Variants in ACSM3 observed in about 807,000 individuals in gnomAD.
ACSM3 encodes acyl-CoA synthetase medium chain family member 3.
Under a neutral mutation model 74.1 loss-of-function variants are expected in ACSM3, and 61 were observed. The ratio of observed to expected loss-of-function variants is 0.82; its 90% CI spans 0.67 to 1.02. The LOEUF (loss-of-function observed/expected upper bound fraction) is 1.02. Ranked by LOEUF, ACSM3 falls within the 50% of genes least tolerant of loss-of-function variation. ACSM3 has a pLI of 0.00. For synonymous variants in ACSM3, 213 were observed against 241.5 expected (o/e 0.88, Z 1.09); for missense variants, 660 against 697.0 (o/e 0.95, Z 0.60).
chr16:20,782,626 C>A (rs1011740069), intron 7 of ACSM3, among the ~76,000 whole-genome samples: 2 of 152,170 alleles, frequency 1.3e-5, no homozygotes, highest in Non-Finnish European at 2.9e-5. Context: ...AGCATCATAT[C>A]CCACAGGTTA....
intron 3 of ACSM3, among the ~76,000 whole-genome samples, chr16:20,758,996 A>C (rs2080054278): frequency 6.6e-6 from 1 of 152,030 alleles, no homozygotes; most frequent in African/African-American, 2.4e-5. Flanking sequence ...TCTGAGAGAC[A>C]GTTTGTTATA....
chr16:20,771,853 A>G (rs2080197814), intron 2 of ACSM3, among the ~76,000 whole-genome samples: 1 of 152,204 alleles, frequency 6.6e-6, no homozygotes, highest in Admixed American at 6.5e-5. Context: ...ATTCTCACCA[A>G]TAGTGTTTCA....
At chr16:20,693,027 A>G (rs555339196) in intron 1 of ACSM3, among the ~76,000 whole-genome samples, 2 of 152,198 alleles carry the variant, frequency 1.3e-5, no homozygotes, top group South Asian at 4.1e-4. Context: ...AAAATTAGCC[A>G]GGCATGGAAG....
chr16:20,737,992 C>T (rs377037430), intron 1 of ACSM3: 68 of 1,556,040 alleles, frequency 4.4e-5, no homozygotes, highest in East Asian at 3.8e-4. Flanking sequence ...GATAATTTCT[C>T]AGACATCTTA....
At chr16:20,691,155 C>T in intron 1 of ACSM3, 1 of 1,610,228 alleles carries the variant, frequency 6.2e-7, no homozygotes, top group Non-Finnish European at 8.5e-7. Flanking sequence ...TTGTGGATGC[C>T]CCAGAGGGTC....
In ACSM3 at chr16:20,723,223, T is replaced by G. The variant is rs564130467; in HGVS notation, c.-189-26687T>G. 4.6e-5 allele frequency among the ~76,000 whole-genome samples: 7 copies of G among 152,310 alleles called. No individual in the cohort carries two copies. In the East Asian group the frequency reaches 1.4e-3, roughly 29 times the overall value. ...ACAAAGGACATGAACTCATCATTTT[T>G]TATGGCTGCATAGCATTCCACGGTG... On this transcript the variant is annotated intron_variant, in intron 1 of 3. Coordinates refer to the ACSM3 transcript ENST00000561584.
intron 2 of ACSM3, among the ~76,000 whole-genome samples, chr16:20,774,662 T>G (rs1321760327): frequency 2.0e-5 from 3 of 152,242 alleles, no homozygotes; most frequent in Non-Finnish European, 4.4e-5. Flanking sequence ...GAATTTAAAC[T>G]GTTTACATTC....
chr16:20,696,737 A>G (rs543043639), intron 1 of ACSM3, among the ~76,000 whole-genome samples: 49 of 152,322 alleles, frequency 3.2e-4, no homozygotes, highest in African/African-American at 1.2e-3. Flanking sequence ...CTGTATTCCC[A>G]GATACATAGT....
intron 1 of ACSM3, among the ~76,000 whole-genome samples, chr16:20,684,044 T>C (rs893396103): frequency 1.3e-5 from 2 of 152,174 alleles, no homozygotes; most frequent in Non-Finnish European, 2.9e-5. Context: ...ATCAAGAGTA[T>C]GGCAGAGTGC....
chr16:20,720,935 A>G (rs1446052588), intron 1 of ACSM3: 2 of 152,230 alleles, frequency 1.3e-5, no homozygotes, highest in Non-Finnish European at 2.9e-5. Flanking sequence ...CAGACATCCA[A>G]TTTGAGCCTC....
intron 1 of ACSM3, among the ~76,000 whole-genome samples, chr16:20,766,066 A>G (rs1180572295): frequency 6.6e-6 from 1 of 152,208 alleles, no homozygotes; most frequent in Non-Finnish European, 1.5e-5. Context: ...TAAATGAATC[A>G]TGCCAACCTA....
chr16:20,707,378 C>A lies in ACSM3; in HGVS notation c.-190+32556C>A, dbSNP rs373565919. 9.1e-4 allele frequency among the ~76,000 whole-genome samples: 139 copies of A among 152,350 alleles called. 4 individuals are homozygous for A. In the South Asian group the frequency reaches 0.028, roughly 31 times the overall value. Reference sequence around the variant, plus strand: ...GGTTTCCGCCCCTCTCAGCTGCAGACTGGAGCAGTACTGCCTGCCCAAGGT... The same window carrying A: ...GGTTTCCGCCCCTCTCAGCTGCAGAATGGAGCAGTACTGCCTGCCCAAGGT... On this transcript the variant is annotated intron_variant, in intron 1 of 3. Coordinates refer to the ACSM3 transcript ENST00000561584.
intron 1 of ACSM3, among the ~76,000 whole-genome samples, chr16:20,747,354 C>A (rs1022443874): frequency 6.6e-6 from 1 of 152,218 alleles, no homozygotes; most frequent in Non-Finnish European, 1.5e-5. Flanking sequence ...ACAAGATATG[C>A]TTCAGTTGCA....
At position 20,764,044 on chromosome 16, in the gene ACSM3, A is replaced by T. The variant is rs1304118202; in HGVS notation, c.-133A>T. Reference sequence around the variant, plus strand: ...TTAGACTGCCACGAGGAAAAAGCAGATGTGAGAACTCAAGGTTCAGGGCTG... The same window carrying T: ...TTAGACTGCCACGAGGAAAAAGCAGTTGTGAGAACTCAAGGTTCAGGGCTG... On this transcript the variant is annotated 5_prime_UTR_variant, in exon 1 of 14. It removes an upstream start codon present in the reference 5' UTR. Coordinates refer to ENST00000289416, the MANE Select transcript of ACSM3 (RefSeq NM_005622.4). 6.6e-6 allele frequency: 1 copy of T among 152,216 alleles called. No homozygotes were observed. The highest frequency in any genetic ancestry group is 1.5e-5 in the Non-Finnish European group (1 of 68,048). The allele number at this position is 152,216 out of a possible 1,614,324, so 9.4% of individuals were successfully genotyped here.
At chr16:20,794,287 G>A (rs2080670810) in intron 12 of ACSM3, among the ~76,000 whole-genome samples, 1 of 152,136 alleles carries the variant, frequency 6.6e-6, no homozygotes, top group South Asian at 2.1e-4. Context: ...AAGACTTGTG[G>A]AATATGTGTC....
chr16:20,690,716 G>C (rs2079637463), intron 1 of ACSM3, among the ~76,000 whole-genome samples: 1 of 152,068 alleles, frequency 6.6e-6, no homozygotes, highest in African/African-American at 2.4e-5. Context: ...CTTTGCACCT[G>C]GTCACAATTA....
At chr16:20,742,940 A>ATTTTTTTTTTTTTTTTTTTTTTTTGTTTT (rs1218181518) in intron 1 of ACSM3, among the ~76,000 whole-genome samples, 1 of 121,700 alleles carries the variant, frequency 8.2e-6, no homozygotes, top group African/African-American at 3.1e-5. Flanking sequence ...ATGTTTGTCT[A>ATTTTTTTTTTTTTTTTTTTTTTTTGTTTT]TTTTTTTTTT....
rs577685127 is a variant in ACSM3, at chr16:20,693,740, G to A, written c.-190+18918G>A. ...CCTGCCTGCTTCTCCACTTATTGTA[G>A]CTGTCCAGCCCCTGTGTATATTTGA... On this transcript the variant is annotated intron_variant, in intron 1 of 3. Transcript: ENST00000561584. 2.6e-5 allele frequency among the ~76,000 whole-genome samples: 4 copies of A among 152,254 alleles called. No homozygotes were observed. In the South Asian group the frequency reaches 8.3e-4, roughly 32 times the overall value.
chr16:20,716,750 C>A (rs1478837356), intron 1 of ACSM3, among the ~76,000 whole-genome samples: 1 of 152,148 alleles, frequency 6.6e-6, no homozygotes, highest in Non-Finnish European at 1.5e-5. Context: ...GCCTTCGCAG[C>A]CTGCATACCA....
Sources: allele counts gnomAD v4.1 joint callset (sites outside exome capture counted in the v4.1 genomes callset), GRCh38; gene constraint gnomAD v4.1.1; transcripts MANE v1.5; gene names NCBI Gene and HGNC (gene_info 2026-07-23, HGNC 2026-07-21).